Variants in TARS2 observed in about 807,000 individuals in gnomAD.
TARS2 encodes threonyl-tRNA synthetase 2, mitochondrial, also known as threonine--tRNA ligase, mitochondrial.
Under a neutral mutation model 94.4 loss-of-function variants are expected in TARS2, and 61 were observed. The ratio of observed to expected loss-of-function variants is 0.65; its 90% CI spans 0.53 to 0.80. The LOEUF is 0.80. Among genes scored for constraint, TARS2 ranks in the 30% least tolerant of loss-of-function variants. TARS2 has a pLI of 0.00. For synonymous variants in TARS2, 359 were observed against 353.4 expected, an observed-to-expected ratio of 1.02 and a Z score of -0.18; for missense variants, 704 against 902.5, an observed-to-expected ratio of 0.78 and a Z score of 2.82.
At chr1:150,490,534 G>A in intron 3 of TARS2, 67 bp from the exon 4 acceptor site, 1 of 1,536,126 alleles carries the variant, frequency 6.5e-7, no homozygotes, top group Non-Finnish European at 8.7e-7. Context: ...TTGTGAGGAA[G>A]AGCTCAGAGA....
chr1:150,489,406 A>T, intron 3 of TARS2: 1 of 362,920 alleles, frequency 2.8e-6, no homozygotes, highest in Non-Finnish European at 5.3e-6. Context: ...TGTATATTCA[A>T]TTCTAACATG....
At position 150,496,474 on chromosome 1, in the gene TARS2, TCA is replaced by T; in HGVS notation, c.775-3_775-2del. The stretch of plus-strand genomic sequence containing the variant: ...ATCTTTCCTTTGATCCCCTATGTCC[TCA>T]CACAGAACTCATCATCCTTATGGAG... On this transcript the variant is annotated splice_polypyrimidine_tract_variant and splice_region_variant and intron_variant, in intron 7 of 17. Coordinates refer to ENST00000369064, the MANE Select transcript of TARS2 (RefSeq NM_025150.5). 6.2e-7 allele frequency: 1 copy of T among 1,606,040 alleles called. No individual in the cohort carries two copies. The highest frequency in any genetic ancestry group is 8.5e-7 in the Non-Finnish European group (1 of 1,174,666).
At chr1:150,504,169 G>C (rs1185748205) in intron 13 of TARS2, among the ~76,000 whole-genome samples, 166 bp from the exon 14 acceptor site, 1 of 152,152 alleles carries the variant, frequency 6.6e-6, no homozygotes, top group African/African-American at 2.4e-5. Context: ...AGTGAGTTGA[G>C]TAGAGTGAAC....
intron 6 of TARS2, chr1:150,492,058 C>T (rs928372448): frequency 2.1e-4 from 56 of 271,598 alleles, no homozygotes; most frequent in East Asian, 9.2e-5. Flanking sequence ...CTCTGCCTCC[C>T]GGGTTCAAAC....
intron 13 of TARS2, among the ~76,000 whole-genome samples, chr1:150,503,453 C>A (rs755715717): frequency 6.6e-6 from 1 of 150,422 alleles, no homozygotes. Context: ...TTTGGGAGGC[C>A]GAAGTGGGCA....
intron 3 of TARS2, among the ~76,000 whole-genome samples, chr1:150,489,799 G>C (rs1669303755): frequency 6.6e-6 from 1 of 152,128 alleles, no homozygotes; most frequent in African/African-American, 2.4e-5. Context: ...AAAATTAGCT[G>C]GGCGTGGTGG....
At chr1:150,490,873 G>A (rs1669352416) in intron 4 of TARS2, 148 bp downstream of exon 4, 1 of 1,202,062 alleles carries the variant, frequency 8.3e-7, no homozygotes, top group Admixed American at 2.3e-5. Flanking sequence ...CTCCTTCTGT[G>A]CTAGTCCATG....
intron 9 of TARS2, 115 bp from the exon 10 acceptor site, chr1:150,497,415 T>C: frequency 1.1e-6 from 1 of 876,824 alleles, no homozygotes; most frequent in Admixed American, 2.1e-5. Context: ...TGGTATTTAA[T>C]AGGTTGTGGT....
At position 150,488,010 on chromosome 1, in the gene TARS2, T is replaced by G. The variant is rs1042166007; in HGVS notation, c.219T>G (p.Ala73=). ...ISLPGGQKID[A]VAWNTTPYQL... ...TTCCTGGAGGCCAGAAAATTGATGC[T>G]GTGGCATGGAACACAACCCCCTACC... The change falls in exon 2 of 18, where the codon GCT becomes GCG. Residue 73 remains alanine, a synonymous_variant. Transcript: ENST00000369064. The G allele has an allele frequency of 2.5e-6, 4 of 1,613,950 alleles. No individual in the cohort carries two copies. Among genetic ancestry groups the G allele is most frequent in the Non-Finnish European group, 2.5e-6 (3 of 1,180,022 alleles).
intron 7 of TARS2, among the ~76,000 whole-genome samples, chr1:150,492,882 G>C (rs1002889448): frequency 6.7e-6 from 1 of 149,658 alleles, no homozygotes; most frequent in Non-Finnish European, 1.5e-5. Context: ...CTTTCTGTCG[G>C]CACCCCCCTT....
chr1:150,488,324 C>G lies in TARS2; in HGVS notation c.263+270C>G, dbSNP rs376100126. 3.5e-5 allele frequency: 12 copies of G among 339,854 alleles called. No homozygotes were observed. The South Asian group carries it at 4.6e-4, about 13-fold the overall frequency. 21.1% of individuals were successfully genotyped at this position (339,854 alleles called of 1,614,324 possible). ...TGCTGGGATTACAGGCATGAGCCAC[C>G]AAACCCGGCCTGAGATTTGTTTTAT... On this transcript the variant is annotated intron_variant, in intron 2 of 17. Transcript: ENST00000369064.
In TARS2 at chr1:150,487,456, C is replaced by T. The variant is rs1669195308; in HGVS notation, c.6C>T (p.Ala2=). The T allele has an allele frequency of 1.2e-6, 2 of 1,614,170 alleles. No homozygotes were observed. Among genetic ancestry groups the T allele is most frequent in the South Asian group, 1.1e-5 (1 of 91,078 alleles). The change falls in exon 1 of 18, where the codon GCC becomes GCT. Residue 2 remains alanine, a synonymous_variant. Transcript: ENST00000369064. ...AGGCACTGGTGTGAAGGAACATGGCCCTGTATCAGAGGTGGCGGTGTCTCC... is the reference window on the plus strand; with the variant it reads ...AGGCACTGGTGTGAAGGAACATGGCTCTGTATCAGAGGTGGCGGTGTCTCC... The part of the protein sequence containing the change: M[A]LYQRWRCLRL...
chr1:150,503,041 C>CA (rs1289838584), intron 13 of TARS2, among the ~76,000 whole-genome samples: 1 of 152,080 alleles, frequency 6.6e-6, no homozygotes, highest in Non-Finnish European at 1.5e-5. Flanking sequence ...AAAGAGAGAG[C>CA]AAAAAACTGG....
intron 2 of TARS2, chr1:150,488,720 A>C: frequency 2.6e-6 from 1 of 391,980 alleles, no homozygotes. Context: ...AACTGTATTC[A>C]CCCAACTCTG....
intron 13 of TARS2, among the ~76,000 whole-genome samples, chr1:150,500,164 G>C (rs961884975): frequency 6.6e-6 from 1 of 151,876 alleles, no homozygotes; most frequent in African/African-American, 2.4e-5. Flanking sequence ...GTGATAGAGT[G>C]AGACCCTGTC....
chr1:150,500,328 G>A (rs587747701), intron 13 of TARS2, among the ~76,000 whole-genome samples: 5 of 152,296 alleles, frequency 3.3e-5, no homozygotes, highest in East Asian at 3.9e-4. Context: ...GGTGGCTCAC[G>A]CCTGTAATCC....
chr1:150,493,821 T>G (rs1669515758), intron 7 of TARS2, among the ~76,000 whole-genome samples: 1 of 148,340 alleles, frequency 6.7e-6, no homozygotes, highest in Admixed American at 6.7e-5. Context: ...ATGGGATGAG[T>G]TACAAGGGAG....
In TARS2 at chr1:150,488,070, T is replaced by G. The variant is rs1462983292; in HGVS notation, c.263+16T>G. 1.9e-6 allele frequency: 3 copies of G among 1,611,926 alleles called. No individual in the cohort carries two copies. In the Admixed American group the frequency reaches 5.0e-5, roughly 27 times the overall value. ...GGCAGATCAGGTAACAGGCCCATCC[T>G]GTAACTACCAGGATTATCCTTCTGC... On this transcript the variant is annotated intron_variant, in intron 2 of 17. Coordinates refer to ENST00000369064, the MANE Select transcript of TARS2 (RefSeq NM_025150.5).
chr1:150,490,946 T>C (rs1302172954), intron 4 of TARS2, among the ~76,000 whole-genome samples: 3 of 152,066 alleles, frequency 2.0e-5, no homozygotes, highest in Non-Finnish European at 4.4e-5. Flanking sequence ...TCCCAGCTAC[T>C]TGGGAGGCTG....
Sources: allele counts gnomAD v4.1 joint callset (sites outside exome capture counted in the v4.1 genomes callset), GRCh38; gene constraint gnomAD v4.1.1; transcripts MANE v1.5; gene names NCBI Gene and HGNC (gene_info 2026-07-23, HGNC 2026-07-21).